EFR3A: variants seen among roughly 807,000 people sequenced by gnomAD.
EFR3A encodes the protein EFR3 homolog A.
A neutral mutation model predicts 104.4 loss-of-function variants in EFR3A; 76 were observed. The ratio of observed to expected loss-of-function variants is 0.73; its 90% CI spans 0.60 to 0.88. The LOEUF (loss-of-function observed/expected upper bound fraction) is 0.88, where lower values mean the gene tolerates loss of function less well. Among genes scored for constraint, EFR3A ranks in the 40% least tolerant of loss-of-function variants. The pLI is 0.00. For synonymous variants in EFR3A, 330 were observed against 330.0 expected (o/e 1.00, Z 0.00); for missense variants, 985 against 1,012.5 (o/e 0.97, Z 0.37).
chr8:131,922,552 CAT>C (rs1432498870), intron 1 of EFR3A, among the ~76,000 whole-genome samples: 1 of 152,146 alleles, frequency 6.6e-6, no homozygotes, highest in Non-Finnish European at 1.5e-5. Flanking sequence ...AGGACTTAAA[CAT>C]ATTGTTTTGG....
intron 8 of EFR3A, among the ~76,000 whole-genome samples, chr8:131,967,954 A>G (rs1413384959): frequency 6.6e-6 from 1 of 152,144 alleles, no homozygotes; most frequent in Admixed American, 6.6e-5. Flanking sequence ...ACAGAGAAAT[A>G]TAAAGATAAT....
chr8:131,910,038 T>A (rs1415855550), intron 1 of EFR3A, among the ~76,000 whole-genome samples: 2 of 152,186 alleles, frequency 1.3e-5, no homozygotes, highest in East Asian at 3.9e-4. Flanking sequence ...GGCCTGGGAT[T>A]GACTGTCAGT....
Position 132,011,135 on chromosome 8 carries a change from G to A in EFR3A, c.*240G>A. ...TTTGAGGTTCCTGTTGCCTTTTTAA[G>A]TTGAACATGTTTTGGTTTCACTTTA... On this transcript the variant is annotated 3_prime_UTR_variant, in exon 23 of 23. Coordinates refer to ENST00000254624, the MANE Select transcript of EFR3A (RefSeq NM_015137.6). 2 of 1,174,942 alleles carry A rather than the reference G, an allele frequency of 1.7e-6. No individual in the cohort carries two copies. The highest frequency in any genetic ancestry group is 1.5e-5 in the African/African-American group (1 of 64,776). 72.8% of individuals were successfully genotyped at this position (1,174,942 alleles called of 1,614,324 possible).
At chr8:131,936,693 C>G (rs954582152) in intron 1 of EFR3A, among the ~76,000 whole-genome samples, 4 of 152,100 alleles carry the variant, frequency 2.6e-5, no homozygotes, top group African/African-American at 4.8e-5. Flanking sequence ...AAATACTTTA[C>G]TTACATTTAC....
chr8:131,915,649 G>A (rs890537409), intron 1 of EFR3A, among the ~76,000 whole-genome samples: 1 of 152,200 alleles, frequency 6.6e-6, no homozygotes, highest in African/African-American at 2.4e-5. Flanking sequence ...AGAGCAAGGG[G>A]AAGATGAGTG....
intron 2 of EFR3A, 65 bp from the exon 3 acceptor site, chr8:131,944,680 C>T (rs1818335472): frequency 1.3e-5 from 19 of 1,439,278 alleles, no homozygotes; most frequent in Non-Finnish European, 1.8e-5. Flanking sequence ...GTAAAGCAGG[C>T]AACACTTAAA....
chr8:131,959,593 A>T lies in EFR3A; in HGVS notation c.785A>T (p.Asp262Val). Residue 262 changes from aspartate to valine, a missense_variant, in exon 8 of 23, where the codon GAT (aspartate) becomes GTT (valine). Physicochemically the swap from Asp to Val is radical, Grantham distance 152. Coordinates refer to ENST00000254624, the MANE Select transcript of EFR3A (RefSeq NM_015137.6). ...ATTTTTGTTATTTGCAGGCATTTAG[A>T]TCATCACAAACTGTGGGATCCCAAT... ...NAVRPVFAHL[D>V]HHKLWDPNEF... is the part of the protein sequence containing the mutation. The T allele has an allele frequency of 6.2e-7, 1 of 1,611,470 alleles. No individual in the cohort carries two copies. Among genetic ancestry groups the T allele is most frequent in the Non-Finnish European group, 8.5e-7 (1 of 1,179,048 alleles).
chr8:131,960,120 A>G (rs1371299066), intron 8 of EFR3A, among the ~76,000 whole-genome samples: 1 of 152,184 alleles, frequency 6.6e-6, no homozygotes, highest in African/African-American at 2.4e-5. Context: ...TGCTGGCTTC[A>G]GTGTGCACTT....
At chr8:131,922,545 A>G (rs953545404) in intron 1 of EFR3A, among the ~76,000 whole-genome samples, 2 of 152,134 alleles carry the variant, frequency 1.3e-5, no homozygotes, top group African/African-American at 4.8e-5. Flanking sequence ...TGGGGTTAGG[A>G]CTTAAACATA....
intron 7 of EFR3A, among the ~76,000 whole-genome samples, chr8:131,957,997 G>A (rs1442101108): frequency 6.6e-6 from 1 of 152,096 alleles, no homozygotes; most frequent in Non-Finnish European, 1.5e-5. Context: ...AAAGTATAAA[G>A]TGGCTATAAT....
At chr8:131,955,944 C>T in intron 7 of EFR3A, 39 bp downstream of exon 7, 1 of 1,607,410 alleles carries the variant, frequency 6.2e-7, no homozygotes, top group Admixed American at 1.7e-5. Flanking sequence ...TGTGATTTTG[C>T]TGTATTAATT....
intron 2 of EFR3A, 172 bp downstream of exon 2, chr8:131,940,747 T>C (rs1302397045): frequency 5.3e-6 from 6 of 1,127,834 alleles, no homozygotes; most frequent in Non-Finnish European, 7.1e-6. Flanking sequence ...CCATGCTTGC[T>C]TGTCTAGTTT....
intron 19 of EFR3A, among the ~76,000 whole-genome samples, chr8:132,000,199 G>C (rs1451419252): frequency 1.3e-5 from 2 of 152,106 alleles, no homozygotes; most frequent in Non-Finnish European, 2.9e-5. Flanking sequence ...CGCGATTTCG[G>C]CTCACTGCAA....
intron 1 of EFR3A, among the ~76,000 whole-genome samples, chr8:131,910,785 C>T (rs976735169): frequency 6.6e-6 from 1 of 152,148 alleles, no homozygotes; most frequent in African/African-American, 2.4e-5. Flanking sequence ...ATCCAGTTAT[C>T]ATATGCAGTG....
At chr8:131,908,551 C>A (rs776695826) in intron 1 of EFR3A, among the ~76,000 whole-genome samples, 1 of 152,152 alleles carries the variant, frequency 6.6e-6, no homozygotes, top group African/African-American at 2.4e-5. Context: ...TCTTCTTTAA[C>A]TCTTCCACTT....
chr8:131,999,232 A>G (rs1179344858), intron 19 of EFR3A, among the ~76,000 whole-genome samples: 1 of 152,144 alleles, frequency 6.6e-6, no homozygotes, highest in Non-Finnish European at 1.5e-5. Context: ...TGTTTTTTCT[A>G]TTACAAATAA....
intron 22 of EFR3A, among the ~76,000 whole-genome samples, chr8:132,010,015 T>C (rs1309866680): frequency 6.6e-6 from 1 of 152,000 alleles, no homozygotes; most frequent in Non-Finnish European, 1.5e-5. Context: ...GTTTACATTT[T>C]CAAAGAAATG....
Position 131,987,630 on chromosome 8 carries a change from A to G in EFR3A, c.1993A>G (p.Ile665Val), listed in dbSNP as rs74413097. The G allele has an allele frequency of 1.2e-4, 198 of 1,598,570 alleles. No homozygotes were observed. In the African/African-American group the frequency reaches 2.3e-3, roughly 19 times the overall value. Residue 665 changes from isoleucine to valine, a missense_variant, in exon 18 of 23, where the codon ATT (isoleucine) becomes GTT (valine). By Grantham distance (29) the Ile-to-Val change is conservative. Transcript: ENST00000254624. ...EKDLYFLTNKIAESLGGSGYS... is the reference protein window; with the variant it reads ...EKDLYFLTNKVAESLGGSGYS... ...AGATTTGTACTTTCTGACCAACAAGATTGCAGAGTCGCTAGGTGGAAGTGG... is the reference window on the plus strand; with the variant it reads ...AGATTTGTACTTTCTGACCAACAAGGTTGCAGAGTCGCTAGGTGGAAGTGG...
At chr8:131,955,444 G>T (rs536629222) in intron 6 of EFR3A, among the ~76,000 whole-genome samples, 1 of 152,006 alleles carries the variant, frequency 6.6e-6, no homozygotes, top group Non-Finnish European at 1.5e-5. Context: ...TGGTCTCTGG[G>T]CCCTGTGTTC....
Sources: allele counts gnomAD v4.1 joint callset (sites outside exome capture counted in the v4.1 genomes callset), GRCh38; gene constraint gnomAD v4.1.1; transcripts MANE v1.5; gene names NCBI Gene and HGNC (gene_info 2026-07-23, HGNC 2026-07-21).